Variants in SPATS2L observed in about 807,000 individuals in gnomAD.
The protein encoded by SPATS2L is SPATS2-like protein.
In SPATS2L, 30 loss-of-function variants were observed where a neutral mutation model predicts 59.6. The observed-to-expected ratio is 0.50, with a 90% CI of 0.38 to 0.68. The LOEUF is 0.68. Among genes scored for constraint, SPATS2L ranks in the 30% least tolerant of loss-of-function variants. The pLI, the probability that SPATS2L is intolerant of heterozygous loss-of-function variation, is 0.00. For missense variants in SPATS2L, 615 were observed against 700.0 expected (o/e 0.88, Z 1.37); for synonymous variants, 252 against 263.5 (o/e 0.96, Z 0.42).
chr2:200,309,123 C>G (rs1201955185), intron 1 of SPATS2L: 1 of 717,728 alleles, frequency 1.4e-6, no homozygotes, highest in African/African-American at 1.7e-5. Flanking sequence ...AGAAGTTAAG[C>G]TTTAGAAATA....
chr2:200,329,322 G>A (rs1287794188), intron 1 of SPATS2L, 109 bp from the exon 2 acceptor site: 7 of 908,582 alleles, frequency 7.7e-6, no homozygotes, highest in Non-Finnish European at 1.2e-5. Flanking sequence ...CGAATTCCCT[G>A]TCTTCTTGAC....
At chr2:200,425,645 C>A (rs145950904) in intron 6 of SPATS2L, among the ~76,000 whole-genome samples, 92 of 152,230 alleles carry the variant, frequency 6.0e-4, no homozygotes, top group African/African-American at 2.0e-3. Flanking sequence ...ATCGGGTAAA[C>A]CCTCTTATCA....
chr2:200,389,175 C>T, intron 2 of SPATS2L, 48 bp from the exon 3 acceptor site: 1 of 1,204,170 alleles, frequency 8.3e-7, no homozygotes, highest in Non-Finnish European at 1.2e-6. Context: ...AAAAATAACA[C>T]ATTGAGAAAT....
At chr2:200,404,068 C>T (rs2082615626) in intron 3 of SPATS2L, among the ~76,000 whole-genome samples, 2 of 152,182 alleles carry the variant, frequency 1.3e-5, no homozygotes, top group African/African-American at 2.4e-5. Flanking sequence ...GTTTTGATGA[C>T]GTTTCTCTTA....
chr2:200,426,027 C>T (rs1363514427), intron 6 of SPATS2L, among the ~76,000 whole-genome samples: 3 of 146,764 alleles, frequency 2.0e-5, no homozygotes, highest in Non-Finnish European at 4.5e-5. Context: ...TTTATCTAAA[C>T]TTTTATTAAG....
intron 2 of SPATS2L, among the ~76,000 whole-genome samples, chr2:200,366,220 T>A (rs2081264121): frequency 6.6e-6 from 1 of 152,168 alleles, no homozygotes; most frequent in African/African-American, 2.4e-5. Flanking sequence ...CTAGACTACT[T>A]GAACATGGAT....
At chr2:200,469,630 G>A (rs1238643228) in intron 10 of SPATS2L, 7 of 299,682 alleles carry the variant, frequency 2.3e-5, no homozygotes, top group Middle Eastern at 1.8e-3. Flanking sequence ...CTAGGAGGGC[G>A]AGGGGTGCTA....
chr2:200,478,104 A>G lies in SPATS2L; in HGVS notation c.*73A>G, dbSNP rs2087681240. Reference sequence around the variant, plus strand: ...GAGGTGCTGACCCAATTCGCTGCCAAAAGAGTGTCAATCAGAATATACAAA... The same window carrying G: ...GAGGTGCTGACCCAATTCGCTGCCAGAAGAGTGTCAATCAGAATATACAAA... On this transcript the variant is annotated 3_prime_UTR_variant, in exon 13 of 13. Coordinates refer to ENST00000409140, the MANE Select transcript of SPATS2L (RefSeq NM_001100423.2). The G allele has an allele frequency of 5.8e-6, 8 of 1,381,708 alleles. No homozygotes were observed. The highest frequency in any genetic ancestry group is 1.4e-5 in the African/African-American group (1 of 69,066). 85.6% of individuals were successfully genotyped at this position (1,381,708 alleles called of 1,614,324 possible).
At chr2:200,372,182 C>T in intron 2 of SPATS2L, 4 of 985,364 alleles carry the variant, frequency 4.1e-6, no homozygotes, top group Non-Finnish European at 4.8e-6. Context: ...GAAAAGACTG[C>T]AAAAACAACA....
intron 2 of SPATS2L, among the ~76,000 whole-genome samples, chr2:200,338,473 G>A (rs1242709057): frequency 6.6e-6 from 1 of 152,148 alleles, no homozygotes; most frequent in Non-Finnish European, 1.5e-5. Flanking sequence ...AGTGATGAGA[G>A]CTGCAAAAAA....
intron 3 of SPATS2L, among the ~76,000 whole-genome samples, chr2:200,404,075 C>T (rs886099663): frequency 6.6e-6 from 1 of 152,222 alleles, no homozygotes; most frequent in Non-Finnish European, 1.5e-5. Context: ...TGACGTTTCT[C>T]TTATTTCCAG....
intron 12 of SPATS2L, 56 bp downstream of exon 12, chr2:200,473,108 AGAGGAAG>A: frequency 6.8e-7 from 1 of 1,471,218 alleles, no homozygotes; most frequent in Non-Finnish European, 9.1e-7. Context: ...ACCTGTTTCC[AGAGGAAG>A]AAAACAGCAA....
intron 1 of SPATS2L, among the ~76,000 whole-genome samples, chr2:200,317,070 C>T (rs746295617): frequency 5.3e-5 from 8 of 152,020 alleles, no homozygotes; most frequent in Non-Finnish European, 1.2e-4. Context: ...GAAAGGTGGC[C>T]GCCTTTATGT....
rs959596281 is a variant in SPATS2L, at chr2:200,481,349, AT to A, written c.*3321del. 2 of 152,236 alleles carry A rather than the reference AT, an allele frequency of 1.3e-5. No homozygotes were observed. Among genetic ancestry groups the A allele is most frequent in the African/African-American group, 4.8e-5 (2 of 41,464 alleles). The allele number at this position is 152,236 out of a possible 1,614,324, so 9.4% of individuals were successfully genotyped here. On this transcript the variant is annotated 3_prime_UTR_variant, in exon 13 of 13. Transcript: ENST00000409140. ...AAGCAGTTTTTTGACAAAGTAACAG[AT>A]TTGGAAATTCTGACTCTCTGAAAGC...
Position 200,459,894 on chromosome 2 carries a change from T to C in SPATS2L, c.847+67T>C. On this transcript the variant is annotated intron_variant, in intron 9 of 12. Transcript: ENST00000409140. ...ATCAGAAGCAATCCATAGGTCAGACTGACAATGATACCGGCTTCTGAACAG... is the reference window on the plus strand; with the variant it reads ...ATCAGAAGCAATCCATAGGTCAGACCGACAATGATACCGGCTTCTGAACAG... The C allele has an allele frequency of 3.4e-6, 4 of 1,178,066 alleles. No homozygotes were observed. In the South Asian group the frequency reaches 5.5e-5, roughly 16 times the overall value. The allele number at this position is 1,178,066 out of a possible 1,614,324, so 73.0% of individuals were successfully genotyped here.
At chr2:200,348,413 C>T (rs1023343139) in intron 2 of SPATS2L, among the ~76,000 whole-genome samples, 3 of 152,200 alleles carry the variant, frequency 2.0e-5, no homozygotes, top group Non-Finnish European at 4.4e-5. Flanking sequence ...CTGCTTCTTG[C>T]AGAAGCCAGT....
chr2:200,321,849 C>T (rs1347551), intron 1 of SPATS2L, among the ~76,000 whole-genome samples: 46,374 of 152,044 alleles, frequency 0.31, 7,785 homozygotes, highest in East Asian at 0.57. Context: ...AAGTCTGTTA[C>T]GCCCATTTTT....
At chr2:200,397,241 C>G (rs567960099) in intron 3 of SPATS2L, among the ~76,000 whole-genome samples, 9 of 152,178 alleles carry the variant, frequency 5.9e-5, no homozygotes, top group Non-Finnish European at 1.0e-4. Flanking sequence ...CTAAAGAATA[C>G]AAGAGCATGT....
chr2:200,337,059 T>C (rs543356742), intron 2 of SPATS2L, among the ~76,000 whole-genome samples: 1 of 152,346 alleles, frequency 6.6e-6, no homozygotes, highest in South Asian at 2.1e-4. Flanking sequence ...ATGTAATCTA[T>C]AGTTCATCTT....
Sources: allele counts gnomAD v4.1 joint callset (sites outside exome capture counted in the v4.1 genomes callset), GRCh38; gene constraint gnomAD v4.1.1; transcripts MANE v1.5; gene names NCBI Gene and HGNC (gene_info 2026-07-23, HGNC 2026-07-21).